DAAM1: variants seen among roughly 807,000 people sequenced by gnomAD.
DAAM1 encodes disheveled-associated activator of morphogenesis 1.
A neutral mutation model predicts 130.0 loss-of-function variants in DAAM1; 52 were observed. The observed-to-expected ratio is 0.40, with a 90% confidence interval of 0.32 to 0.50. DAAM1 has a LOEUF of 0.50. Among genes scored for constraint, DAAM1 ranks in the 20% least tolerant of loss-of-function variants. The pLI, the probability that DAAM1 is intolerant of heterozygous loss-of-function variation, is 0.61. For synonymous variants in DAAM1, 452 were observed against 444.5 expected, an observed-to-expected ratio of 1.02 and a Z score of -0.21; for missense variants, 1,134 against 1,303.8, an observed-to-expected ratio of 0.87 and a Z score of 2.01.
At chr14:59,250,218 C>T (rs1881574296) in intron 1 of DAAM1, among the ~76,000 whole-genome samples, 1 of 152,150 alleles carries the variant, frequency 6.6e-6, no homozygotes, top group Admixed American at 6.5e-5. Flanking sequence ...TGGGAACATA[C>T]AGAATTTAAA....
chr14:59,262,187 T>C (rs916141471), intron 1 of DAAM1, among the ~76,000 whole-genome samples: 19 of 152,236 alleles, frequency 1.2e-4, no homozygotes, highest in African/African-American at 4.1e-4. Flanking sequence ...TCTAATCTTA[T>C]TCCACTCTCA....
At chr14:59,312,849 A>G (rs1295325310) in intron 3 of DAAM1, among the ~76,000 whole-genome samples, 1 of 152,230 alleles carries the variant, frequency 6.6e-6, no homozygotes, top group East Asian at 1.9e-4. Context: ...TTCCTAGTGA[A>G]GGGCTCCCCC....
rs370974999 is a variant in DAAM1, at chr14:59,260,201, T to A, written c.-37-3240T>A. On this transcript the variant is annotated intron_variant, in intron 1 of 24. Coordinates refer to ENST00000360909, the MANE Select transcript of DAAM1 (RefSeq NM_001270520.2). ...ATTAACCTAACTTGGATATTTTTGATAGGAACATTTTTGCATACTCATGCT... is the reference window on the plus strand; with the variant it reads ...ATTAACCTAACTTGGATATTTTTGAAAGGAACATTTTTGCATACTCATGCT... Among the ~76,000 whole-genome samples, 23 of 152,370 alleles carry A rather than the reference T, an allele frequency of 1.5e-4. 1 individual carries two copies. Among genetic ancestry groups the A allele is most frequent in the Admixed American group, 8.5e-4 (13 of 15,304 alleles).
chr14:59,277,732 T>C (rs1883032988), intron 2 of DAAM1, among the ~76,000 whole-genome samples: 1 of 152,090 alleles, frequency 6.6e-6, no homozygotes, highest in Admixed American at 6.6e-5. Flanking sequence ...CTCTGACCAA[T>C]GAAAGGAGCT....
intron 18 of DAAM1, 49 bp downstream of exon 18, chr14:59,352,681 G>A (rs1233849913): frequency 6.6e-7 from 1 of 1,504,650 alleles, no homozygotes; most frequent in African/African-American, 1.4e-5. Context: ...CCCTTTCTAA[G>A]CTTCATGAAT....
chr14:59,263,815 A>C (rs1373618131), intron 2 of DAAM1, 155 bp downstream of exon 2: 1 of 884,940 alleles, frequency 1.1e-6, no homozygotes, highest in Non-Finnish European at 1.8e-6. Flanking sequence ...TGTCAGCACT[A>C]AACCTGTGGA....
chr14:59,209,686 C>G (rs1225120616), intron 1 of DAAM1, among the ~76,000 whole-genome samples: 7 of 152,172 alleles, frequency 4.6e-5, no homozygotes, highest in African/African-American at 1.7e-4. Context: ...GTAGGCTAGG[C>G]TAAGCTATAG....
intron 18 of DAAM1, among the ~76,000 whole-genome samples, chr14:59,353,338 C>G (rs566318235): frequency 3.9e-5 from 6 of 152,168 alleles, no homozygotes; most frequent in Admixed American, 1.3e-4. Context: ...AGAGGGTGCT[C>G]ACTATGAAGA....
intron 10 of DAAM1, among the ~76,000 whole-genome samples, 190 bp downstream of exon 10, chr14:59,326,267 T>A (rs907789666): frequency 6.6e-6 from 1 of 152,180 alleles, no homozygotes; most frequent in Non-Finnish European, 1.5e-5. Context: ...TGAAACAAAT[T>A]AAAATTTTGA....
intron 13 of DAAM1, 142 bp from the exon 14 acceptor site, chr14:59,331,067 T>A: frequency 7.1e-7 from 1 of 1,407,162 alleles, no homozygotes; most frequent in Non-Finnish European, 9.4e-7. Flanking sequence ...AAGAGTCCAT[T>A]CGACTTTACC....
intron 1 of DAAM1, among the ~76,000 whole-genome samples, chr14:59,211,657 CA>C (rs1888429055): frequency 6.6e-6 from 1 of 152,226 alleles, no homozygotes; most frequent in Admixed American, 6.5e-5. Context: ...CCAAGAGTGT[CA>C]GTTGCCTTTC....
intron 16 of DAAM1, among the ~76,000 whole-genome samples, chr14:59,346,268 G>C (rs1020679791): frequency 5.3e-5 from 8 of 152,202 alleles, no homozygotes; most frequent in Non-Finnish European, 1.2e-4. Context: ...ATCGGAGACA[G>C]GACTGGGGCC....
intron 2 of DAAM1, among the ~76,000 whole-genome samples, chr14:59,274,258 A>G (rs895792359): frequency 6.6e-6 from 1 of 152,228 alleles, no homozygotes; most frequent in African/African-American, 2.4e-5. Flanking sequence ...TAAGAACTAA[A>G]TTAAACCAAA....
rs111329833 is a variant in DAAM1, at chr14:59,287,953, C to T, written c.184-3264C>T. Reference sequence around the variant, plus strand: ...ATTCATATAGAACCAAAGAGGAGCACGGACCATCAAAGCAATCCTAAGCAA... The same window carrying T: ...ATTCATATAGAACCAAAGAGGAGCATGGACCATCAAAGCAATCCTAAGCAA... On this transcript the variant is annotated intron_variant, in intron 2 of 24. Transcript: ENST00000360909. Among the ~76,000 whole-genome samples the T allele has an allele frequency of 4.6e-5, 7 of 152,178 alleles. 1 individual carries two copies. The highest frequency in any genetic ancestry group is 1.2e-4 in the African/African-American group (5 of 41,528).
At chr14:59,265,256 A>C (rs1039990838) in intron 2 of DAAM1, 1 of 152,248 alleles carries the variant, frequency 6.6e-6, no homozygotes, top group Admixed American at 6.5e-5. Flanking sequence ...GCGTGGAGCG[A>C]TGGGCCTATT....
intron 1 of DAAM1, among the ~76,000 whole-genome samples, chr14:59,213,249 C>T (rs1039088210): frequency 6.7e-6 from 1 of 150,002 alleles, no homozygotes; most frequent in South Asian, 2.1e-4. Context: ...TCCCTTCCCC[C>T]GTATCCCTTC....
At chr14:59,258,552 A>G (rs1382233708) in intron 1 of DAAM1, among the ~76,000 whole-genome samples, 1 of 152,236 alleles carries the variant, frequency 6.6e-6, no homozygotes, top group Non-Finnish European at 1.5e-5. Flanking sequence ...ATATTAAATC[A>G]TATATACTGG....
At chr14:59,264,821 C>A (rs1175383268) in intron 2 of DAAM1, 1 of 152,168 alleles carries the variant, frequency 6.6e-6, no homozygotes, top group Non-Finnish European at 1.5e-5. Context: ...AATCCACCAT[C>A]CCCCTGCCTC....
intron 1 of DAAM1, among the ~76,000 whole-genome samples, chr14:59,234,050 G>C (rs1330934315): frequency 2.6e-5 from 4 of 152,156 alleles, no homozygotes; most frequent in Admixed American, 6.5e-5. Flanking sequence ...AATATAGTTT[G>C]AGGTCAGGTA....
Sources: gnomAD v4.1 joint callset for allele counts (sites outside exome capture counted in the v4.1 genomes callset) on GRCh38, gnomAD v4.1.1 for gene constraint, MANE v1.5 for transcripts, NCBI Gene and HGNC (gene_info 2026-07-23, HGNC 2026-07-21) for gene names.